The following TMEM233 variants were observed in gnomAD, a reference collection of about 807,000 sequenced individuals.
TMEM233 encodes transmembrane protein 233.
Under a neutral mutation model 11.2 loss-of-function variants are expected in TMEM233, and 6 were observed. The ratio of observed to expected loss-of-function variants is 0.54; its 90% CI spans 0.29 to 1.06. The LOEUF is 1.06. Among genes scored for constraint, TMEM233 ranks in the 50% least tolerant of loss-of-function variants. TMEM233 has a pLI of 0.08. For synonymous variants in TMEM233, 59 were observed against 55.8 expected (o/e 1.06, Z -0.26); for missense variants, 127 against 144.7 (o/e 0.88, Z 0.63).
intron 1 of TMEM233, among the ~76,000 whole-genome samples, chr12:119,603,804 T>C (rs553253360): frequency 8.5e-5 from 13 of 152,350 alleles, no homozygotes; most frequent in Non-Finnish European, 1.9e-4. Flanking sequence ...ATTTGATGAA[T>C]GAATAAATGA....
downstream of TMEM233, among the ~76,000 whole-genome samples, chr12:119,646,577 A>G (rs1169040792): frequency 6.6e-6 from 1 of 152,216 alleles, no homozygotes; most frequent in Non-Finnish European, 1.5e-5. Flanking sequence ...AGCTATCCAC[A>G]TGCCTTGACT....
intron 1 of TMEM233, among the ~76,000 whole-genome samples, chr12:119,610,191 C>T (rs1954366761): frequency 6.6e-6 from 1 of 152,164 alleles, no homozygotes; most frequent in Admixed American, 6.6e-5. Flanking sequence ...TTTGGACTTG[C>T]ATCCTTTGTT....
chr12:119,650,214 C>T, the TMEM233 span, among the ~76,000 whole-genome samples: 1 of 151,410 alleles, frequency 6.6e-6, no homozygotes, highest in Non-Finnish European at 1.5e-5. Context: ...TTGCTATTTG[C>T]CAGACATTCT....
chr12:119,594,608 G>C lies in TMEM233; in HGVS notation c.186+574G>C, dbSNP rs1389416853. On this transcript the variant is annotated intron_variant, in intron 1 of 2. Transcript: ENST00000426426. The surrounding 1 kb of genome is among the most constrained non-coding windows in gnomAD (Gnocchi z 5.6). Reference sequence around the variant, plus strand: ...TCCGGGGGGTCCCCAGGCGATTCCTGATGCCCCCTCCTTGATCCCGTTTCC... The same window carrying C: ...TCCGGGGGGTCCCCAGGCGATTCCTCATGCCCCCTCCTTGATCCCGTTTCC... The C allele has an allele frequency of 6.5e-6, 1 of 153,630 alleles. No homozygotes were observed. The highest frequency in any genetic ancestry group is 1.4e-5 in the Non-Finnish European group (1 of 69,260). 9.5% of individuals were successfully genotyped at this position (153,630 alleles called of 1,614,324 possible).
chr12:119,613,769 T>C (rs1211670631), intron 1 of TMEM233, among the ~76,000 whole-genome samples: 1 of 152,026 alleles, frequency 6.6e-6, no homozygotes. Context: ...GAGCTATGAT[T>C]GCACCACTGG....
intron 1 of TMEM233, among the ~76,000 whole-genome samples, chr12:119,613,423 C>A: frequency 6.6e-6 from 1 of 152,158 alleles, no homozygotes; most frequent in East Asian, 1.9e-4. Context: ...CAACAGGCCG[C>A]TGAATCAAAT....
downstream of TMEM233, among the ~76,000 whole-genome samples, chr12:119,647,822 T>C (rs1955174687): frequency 7.3e-6 from 1 of 137,280 alleles, no homozygotes; most frequent in South Asian, 2.7e-4. Flanking sequence ...CCCCTCCCTG[T>C]GTCCATGTGT....
intron 1 of TMEM233, among the ~76,000 whole-genome samples, chr12:119,601,413 T>C (rs981175269): frequency 5.9e-5 from 9 of 152,074 alleles, no homozygotes; most frequent in African/African-American, 1.9e-4. Context: ...TCCCAGCACT[T>C]TGGGAGGCCG....
At chr12:119,626,690 T>A (rs1954774812) in intron 1 of TMEM233, among the ~76,000 whole-genome samples, 1 of 152,112 alleles carries the variant, frequency 6.6e-6, no homozygotes. Context: ...AAGATTCTCT[T>A]ATTATTAAAG....
Position 119,641,027 on chromosome 12 carries a change from C to T in TMEM233, c.*322C>T, listed in dbSNP as rs1955075772. On this transcript the variant is annotated 3_prime_UTR_variant, in exon 3 of 3. Transcript: ENST00000426426. ...CCACTCCTGTCCTCCAGAGGCGAGC[C>T]TCAGGAAATCACATAACTTTTCACT... 3.2e-6 allele frequency: 1 copy of T among 309,730 alleles called. No homozygotes were observed. The highest frequency in any genetic ancestry group is 5.5e-5 in the East Asian group (1 of 18,172). 19.2% of individuals were successfully genotyped at this position (309,730 alleles called of 1,614,324 possible).
the TMEM233 span, among the ~76,000 whole-genome samples, chr12:119,649,584 A>C: frequency 1.3e-5 from 2 of 152,182 alleles, no homozygotes; most frequent in Admixed American, 1.3e-4. Flanking sequence ...ACTTTCAGTA[A>C]AACAAAAACT....
At chr12:119,653,630 T>G in the TMEM233 span, among the ~76,000 whole-genome samples, 46 of 151,938 alleles carry the variant, frequency 3.0e-4, 1 homozygote, top group East Asian at 7.7e-3. Flanking sequence ...AATTAAAAAA[T>G]TTTTTAAAAA....
intron 1 of TMEM233, among the ~76,000 whole-genome samples, chr12:119,596,443 T>C (rs1954049416): frequency 1.3e-5 from 2 of 150,622 alleles, no homozygotes; most frequent in Non-Finnish European, 3.0e-5. Flanking sequence ...CTCTTCCCCA[T>C]TCCCTCCCCC....
chr12:119,610,886 G>A (rs777633159), intron 1 of TMEM233, among the ~76,000 whole-genome samples: 3 of 152,020 alleles, frequency 2.0e-5, no homozygotes, highest in Non-Finnish European at 2.9e-5. Context: ...CTATCTCTAC[G>A]GATTTACCTA....
intron 2 of TMEM233, among the ~76,000 whole-genome samples, chr12:119,632,301 G>A (rs10774508): frequency 0.34 from 51,415 of 151,980 alleles, 9,299 homozygotes; most frequent in African/African-American, 0.42. Context: ...CTTGCCCAAA[G>A]CCTCACAGCT....
intron 1 of TMEM233, among the ~76,000 whole-genome samples, chr12:119,607,265 A>G (rs1383042888): frequency 6.6e-6 from 1 of 152,190 alleles, no homozygotes; most frequent in Non-Finnish European, 1.5e-5. Context: ...GGTGACATTC[A>G]TTGAATTATT....
chr12:119,642,505 T>C lies in TMEM233; in HGVS notation c.*1800T>C, dbSNP rs1955097875. The stretch of plus-strand genomic sequence containing the variant: ...AAAAAAGAAAGGCAGATTATTCTAA[T>C]TGAATGAATAAGAGGCTGAGAGTCA... On this transcript the variant is annotated 3_prime_UTR_variant, in exon 3 of 3. Coordinates refer to ENST00000426426, the MANE Select transcript of TMEM233 (RefSeq NM_001136534.3). 2 of 152,098 alleles carry C rather than the reference T, an allele frequency of 1.3e-5. No homozygotes were observed. Among genetic ancestry groups the C allele is most frequent in the African/African-American group, 4.8e-5 (2 of 41,426 alleles). 9.4% of individuals were successfully genotyped at this position (152,098 alleles called of 1,614,324 possible).
chr12:119,638,182 G>C (rs1482297955), intron 2 of TMEM233, among the ~76,000 whole-genome samples: 10 of 152,180 alleles, frequency 6.6e-5, no homozygotes, highest in Admixed American at 3.9e-4. Flanking sequence ...CAATGCCGCT[G>C]GGCACTGTAG....
At chr12:119,651,159 T>C in the TMEM233 span, among the ~76,000 whole-genome samples, 1 of 152,204 alleles carries the variant, frequency 6.6e-6, no homozygotes, top group Non-Finnish European at 1.5e-5. Context: ...GTTCTCACAA[T>C]GGAAAATTTC....
Sources: gnomAD v4.1 joint callset for allele counts (sites outside exome capture counted in the v4.1 genomes callset) on GRCh38, gnomAD v4.1.1 for gene constraint, Gnocchi (gnomAD v3.1) non-coding constraint, MANE v1.5 for transcripts, NCBI Gene and HGNC (gene_info 2026-07-23, HGNC 2026-07-21) for gene names.